SOS1: variants seen among roughly 807,000 people sequenced by gnomAD.
The protein encoded by SOS1 is SOS Ras/Rac guanine nucleotide exchange factor 1.
SOS1 carries 25 observed loss-of-function variants against 157.6 expected under a neutral mutation model. The observed-to-expected ratio is 0.16, with a 90% CI of 0.12 to 0.22. The LOEUF (loss-of-function observed/expected upper bound fraction) is 0.22. SOS1 is among the 10% of genes least tolerant of loss of function. The pLI, the probability that SOS1 is intolerant of heterozygous loss-of-function variation, is 1.00. For synonymous variants in SOS1, 528 were observed against 534.0 expected, an observed-to-expected ratio of 0.99 and a Z score of 0.16; for missense variants, 1,237 against 1,599.1, an observed-to-expected ratio of 0.77 and a Z score of 3.86.
chr2:39,036,722 C>T (rs886673336), intron 6 of SOS1, among the ~76,000 whole-genome samples: 4 of 151,818 alleles, frequency 2.6e-5, no homozygotes, highest in Non-Finnish European at 4.4e-5. Flanking sequence ...TACAGGCATC[C>T]GCCACCACGC....
intron 1 of SOS1, chr2:39,098,168 A>G: frequency 5.6e-6 from 1 of 179,780 alleles, no homozygotes; most frequent in Admixed American, 5.7e-5. Flanking sequence ...ATAGTTTGCA[A>G]GAATGTCACC....
At chr2:39,048,868 C>T (rs1331499329) in intron 6 of SOS1, among the ~76,000 whole-genome samples, 2 of 152,134 alleles carry the variant, frequency 1.3e-5, no homozygotes, top group Non-Finnish European at 2.9e-5. Context: ...AATATTGTTT[C>T]TCCATCACTC....
At chr2:39,106,530 G>A (rs1240662871) in intron 1 of SOS1, among the ~76,000 whole-genome samples, 4 of 146,416 alleles carry the variant, frequency 2.7e-5, no homozygotes, top group Non-Finnish European at 4.5e-5. Flanking sequence ...GGCGGAGCTT[G>A]CAGTGAGCCG....
chr2:39,011,654 T>G (rs761012608), intron 14 of SOS1, among the ~76,000 whole-genome samples: 1 of 152,182 alleles, frequency 6.6e-6, no homozygotes, highest in Non-Finnish European at 1.5e-5. Flanking sequence ...ATCAATGTAG[T>G]ATGATTAAAA....
In SOS1 at chr2:39,022,762, C is replaced by G. The variant is rs753909912; in HGVS notation, c.1666G>C (p.Val556Leu). 1.2e-6 allele frequency: 2 copies of G among 1,613,746 alleles called. No homozygotes were observed. The highest frequency in any genetic ancestry group is 1.7e-6 in the Non-Finnish European group (2 of 1,179,688). ...TCTTTCTCTTCCTGTAGCATTGTTACATCAAGCATCCTTTCCAGTGTACTC... is the reference window on the plus strand; with the variant it reads ...TCTTTCTCTTCCTGTAGCATTGTTAGATCAAGCATCCTTTCCAGTGTACTC... ...YRSTLERMLD[V>L]TMLQEEKEEQ... The change falls in exon 10 of 23, where the codon GTA becomes CTA. Residue 556 changes from valine (V) to leucine (L), a missense_variant. Val to Leu is a conservative substitution (Grantham distance 32, BLOSUM62 1). Around this residue, in one of 15 missense-constraint regions of SOS1, gnomAD observed 210 missense variants for 220.2 expected, o/e 0.95. Coordinates refer to ENST00000402219, the MANE Select transcript of SOS1 (RefSeq NM_005633.4).
At chr2:39,013,682 C>T in intron 12 of SOS1, 119 bp from the exon 13 acceptor site, 1 of 908,286 alleles carries the variant, frequency 1.1e-6, no homozygotes, top group Non-Finnish European at 1.8e-6. Flanking sequence ...TATCAGTGTG[C>T]TTAACACTTC....
In SOS1 at chr2:39,101,744, T is replaced by C. The variant is rs114612949; in HGVS notation, c.87+18592A>G. Reference sequence around the variant, plus strand: ...TTTGCTTTTAATTACCAGCAGTATATAGGGAAAAAGGGTTTTCAAAGTTGA... The same window carrying C: ...TTTGCTTTTAATTACCAGCAGTATACAGGGAAAAAGGGTTTTCAAAGTTGA... On this transcript the variant is annotated intron_variant, in intron 1 of 22. Coordinates refer to ENST00000402219, the MANE Select transcript of SOS1 (RefSeq NM_005633.4). Among the ~76,000 whole-genome samples the C allele has an allele frequency of 6.5e-3, 988 of 152,208 alleles. 4 individuals carry two copies. Among genetic ancestry groups the C allele is most frequent in the Middle Eastern group, 0.01 (3 of 294 alleles).
At chr2:39,085,087 T>G (rs570492098) in intron 1 of SOS1, among the ~76,000 whole-genome samples, 1 of 152,202 alleles carries the variant, frequency 6.6e-6, no homozygotes, top group Non-Finnish European at 1.5e-5. Flanking sequence ...TACTCTGTCA[T>G]GAGGTTGGAC....
intron 8 of SOS1, among the ~76,000 whole-genome samples, chr2:39,034,575 T>A (rs1173754394): frequency 2.0e-5 from 3 of 152,226 alleles, no homozygotes; most frequent in Non-Finnish European, 4.4e-5. Flanking sequence ...TATACAGACT[T>A]TTATTTAATT....
intron 1 of SOS1, among the ~76,000 whole-genome samples, chr2:39,078,208 G>A (rs939147258): frequency 6.6e-6 from 1 of 152,062 alleles, no homozygotes; most frequent in Admixed American, 6.6e-5. Context: ...CCTCAGCCTT[G>A]TATTTATTTG....
chr2:39,003,066 C>CCAAAAAAAAAAA (rs1669160110), intron 17 of SOS1, among the ~76,000 whole-genome samples: 2 of 72,314 alleles, frequency 2.8e-5, no homozygotes, highest in African/African-American at 8.0e-5. Flanking sequence ...GACCTTGTAT[C>CCAAAAAAAAAAA]AAAAAAAAAA....
At position 38,984,313 on chromosome 2, in the gene SOS1, A is replaced by G. The variant is rs965014184; in HGVS notation, c.*1511T>C. 3.3e-5 allele frequency: 5 copies of G among 152,162 alleles called. No individual in the cohort carries two copies. Among genetic ancestry groups the G allele is most frequent in the African/African-American group, 9.6e-5 (4 of 41,460 alleles). The allele number at this position is 152,162 out of a possible 1,614,324, so 9.4% of individuals were successfully genotyped here. On this transcript the variant is annotated 3_prime_UTR_variant, in exon 23 of 23. Coordinates refer to ENST00000402219, the MANE Select transcript of SOS1 (RefSeq NM_005633.4). ...TCAACAAGGTGCATGCATTTCAGTC[A>G]CAGTATTTGTTAGACTCAGAAGAAC... is the stretch of plus-strand genomic sequence containing the variant.
chr2:38,992,267 A>G (rs556615708), intron 20 of SOS1: 1 of 150,768 alleles, frequency 6.6e-6, no homozygotes, highest in South Asian at 2.1e-4. Context: ...AGGGATTAGC[A>G]GAACACATGG....
chr2:39,124,171 G>C (rs1396288847), upstream of SOS1: 1 of 152,266 alleles, frequency 6.6e-6, no homozygotes, highest in Admixed American at 6.5e-5. Context: ...GTATCTCTTG[G>C]GACAAAACAA....
At chr2:39,086,027 C>T (rs1482049469) in intron 1 of SOS1, among the ~76,000 whole-genome samples, 1 of 152,136 alleles carries the variant, frequency 6.6e-6, no homozygotes, top group Non-Finnish European at 1.5e-5. Flanking sequence ...AGAGTGTAAC[C>T]CTGCACGAAT....
At chr2:39,073,994 A>C (rs1671875252) in intron 1 of SOS1, among the ~76,000 whole-genome samples, 2 of 152,342 alleles carry the variant, frequency 1.3e-5, no homozygotes, top group South Asian at 4.1e-4. Flanking sequence ...TTGATGCTTT[A>C]GGTGCTTATC....
At chr2:39,118,291 G>T (rs1199453466) in intron 1 of SOS1, among the ~76,000 whole-genome samples, 3 of 152,118 alleles carry the variant, frequency 2.0e-5, no homozygotes, top group African/African-American at 4.8e-5. Flanking sequence ...ATGTATCTAC[G>T]AATAATTCAA....
At chr2:38,998,439 C>T (rs552681885) in intron 17 of SOS1, among the ~76,000 whole-genome samples, 10 of 152,044 alleles carry the variant, frequency 6.6e-5, no homozygotes, top group African/African-American at 7.2e-5. Context: ...TTAGTAGAGA[C>T]GGGGTTTCAC....
intron 14 of SOS1, among the ~76,000 whole-genome samples, chr2:39,011,579 G>A (rs1003798073): frequency 2.6e-5 from 4 of 152,122 alleles, no homozygotes; most frequent in African/African-American, 9.7e-5. Context: ...TTATTAAAAA[G>A]TGAATAATTT....
Sources: allele counts gnomAD v4.1 joint callset (sites outside exome capture counted in the v4.1 genomes callset), GRCh38; gene constraint gnomAD v4.1.1; regional missense constraint gnomAD v4.1.1; transcripts MANE v1.5; gene names NCBI Gene and HGNC (gene_info 2026-07-23, HGNC 2026-07-21).